Variants in CPNE4 observed in about 807,000 individuals in gnomAD.
CPNE4 encodes copine-4.
A neutral mutation model predicts 67.9 loss-of-function variants in CPNE4; 25 were observed. That is an observed-to-expected ratio of 0.37 (90% CI 0.27 to 0.51). The LOEUF (loss-of-function observed/expected upper bound fraction) is 0.51, where lower values mean the gene tolerates loss of function less well. Ranked by LOEUF, CPNE4 falls within the 20% of genes least tolerant of loss-of-function variation. CPNE4 has a pLI of 0.93. For missense variants in CPNE4, 464 were observed against 690.8 expected (o/e 0.67, Z 3.68); for synonymous variants, 242 against 244.9 (o/e 0.99, Z 0.11).
intron 1 of CPNE4, among the ~76,000 whole-genome samples, chr3:131,979,669 G>C (rs1174090450): frequency 1.3e-5 from 2 of 152,020 alleles, no homozygotes; most frequent in Non-Finnish European, 2.9e-5. Flanking sequence ...GAGCATTTAG[G>C]CCATTTACAT....
chr3:131,540,167 T>C (rs1935395501), intron 15 of CPNE4, among the ~76,000 whole-genome samples: 1 of 152,210 alleles, frequency 6.6e-6, no homozygotes, highest in South Asian at 2.1e-4. Context: ...TGACTGCTGT[T>C]GCTGTTACTT....
intron 7 of CPNE4, among the ~76,000 whole-genome samples, chr3:131,593,868 T>C (rs1051935488): frequency 6.6e-5 from 10 of 152,042 alleles, no homozygotes; most frequent in African/African-American, 2.4e-4. Context: ...CACACCACCA[T>C]GCCCAGCTAA....
chr3:131,952,933 T>G (rs1361475398), intron 1 of CPNE4, among the ~76,000 whole-genome samples: 1 of 152,156 alleles, frequency 6.6e-6, no homozygotes, highest in Non-Finnish European at 1.5e-5. Context: ...TGTTGATCTG[T>G]GACCTTACCC....
intron 1 of CPNE4, among the ~76,000 whole-genome samples, chr3:131,992,567 A>G (rs1215489061): frequency 7.4e-6 from 1 of 135,662 alleles, no homozygotes; most frequent in Non-Finnish European, 1.7e-5. Flanking sequence ...GAGACTTTGG[A>G]CTTGAACTTT....
rs575033459 is a variant in CPNE4 at position 131,906,424 on chromosome 3, T to G, written c.-1-980A>C. 7.2e-3 allele frequency among the ~76,000 whole-genome samples: 736 copies of G among 102,640 alleles called. 8 individuals are homozygous for G. Among genetic ancestry groups the G allele is most frequent in the African/African-American group, 0.025 (688 of 27,448 alleles). 67.3% of individuals were successfully genotyped at this position (102,640 alleles called of 152,430 possible). ...CCCCCCTCCCCCCACCCCACAACAG[T>G]CCCCAGAGTATGATGTTGCCCTTCC... On this transcript the variant is annotated intron_variant, in intron 1 of 15. Coordinates refer to ENST00000429747, the MANE Select transcript of CPNE4 (RefSeq NM_130808.3).
chr3:131,899,560 T>C (rs1354202045), intron 2 of CPNE4, among the ~76,000 whole-genome samples: 1 of 152,124 alleles, frequency 6.6e-6, no homozygotes, highest in Non-Finnish European at 1.5e-5. Flanking sequence ...AGATTCCAGC[T>C]TTACTGTTTA....
chr3:131,714,972 C>G (rs2081648337), intron 3 of CPNE4, among the ~76,000 whole-genome samples: 1 of 152,118 alleles, frequency 6.6e-6, no homozygotes, highest in African/African-American at 2.4e-5. Context: ...CTGGAGGAGA[C>G]ATACACTGAA....
Position 131,921,063 on chromosome 3 carries a change from C to A in CPNE4, c.-1-15619G>T, listed in dbSNP as rs149732129. 4.1e-4 allele frequency among the ~76,000 whole-genome samples: 63 copies of A among 152,322 alleles called. 2 individuals are homozygous for A. In the East Asian group the frequency reaches 0.01, roughly 25 times the overall value. On this transcript the variant is annotated intron_variant, in intron 1 of 15. Coordinates refer to ENST00000429747, the MANE Select transcript of CPNE4 (RefSeq NM_130808.3). ...TGATGGGCTGACAACATTGCTCCCA[C>A]ACAGTTGACACTTACTGGGTGGCAC...
chr3:131,896,290 G>A (rs573137601), intron 2 of CPNE4, among the ~76,000 whole-genome samples: 88 of 151,940 alleles, frequency 5.8e-4, no homozygotes, highest in South Asian at 1.7e-3. Flanking sequence ...GATAAAAAGG[G>A]CAGCATACAA....
At chr3:131,956,238 G>A (rs938556140) in intron 1 of CPNE4, among the ~76,000 whole-genome samples, 1 of 152,058 alleles carries the variant, frequency 6.6e-6, no homozygotes, top group African/African-American at 2.4e-5. Flanking sequence ...TAGAGTTGAT[G>A]CCTTTTTTTT....
intron 2 of CPNE4, among the ~76,000 whole-genome samples, chr3:131,902,517 A>C (rs1422856892): frequency 6.6e-6 from 1 of 152,104 alleles, no homozygotes; most frequent in African/African-American, 2.4e-5. Flanking sequence ...AGGAATTTCA[A>C]AGTGAAAAAA....
intron 2 of CPNE4, among the ~76,000 whole-genome samples, chr3:131,724,168 A>G (rs528212813): frequency 1.3e-5 from 2 of 152,218 alleles, no homozygotes; most frequent in African/African-American, 4.8e-5. Context: ...ATTTTAGCCA[A>G]CTCTAAGTTT....
intron 1 of CPNE4, among the ~76,000 whole-genome samples, chr3:131,933,798 A>G (rs1415228204): frequency 1.3e-5 from 2 of 152,102 alleles, no homozygotes; most frequent in Non-Finnish European, 2.9e-5. Flanking sequence ...ACCAAAAAAA[A>G]AAAAAACACA....
At chr3:131,749,113 G>A (rs143046279) in intron 2 of CPNE4, among the ~76,000 whole-genome samples, 219 of 152,156 alleles carry the variant, frequency 1.4e-3, no homozygotes, top group African/African-American at 5.2e-3. Context: ...TTAACTGCAT[G>A]CCACAGATTT....
At chr3:131,590,948 C>A (rs1166267808) in intron 7 of CPNE4, among the ~76,000 whole-genome samples, 1 of 152,156 alleles carries the variant, frequency 6.6e-6, no homozygotes, top group African/African-American at 2.4e-5. Flanking sequence ...AGTTCTACCT[C>A]ATTTTTCAAT....
intron 2 of CPNE4, among the ~76,000 whole-genome samples, chr3:131,814,102 C>A (rs1410902202): frequency 6.6e-6 from 1 of 152,130 alleles, no homozygotes; most frequent in Non-Finnish European, 1.5e-5. Context: ...ACATAGGCAC[C>A]TATATACATG....
chr3:131,986,429 C>A (rs1324866779), intron 1 of CPNE4, among the ~76,000 whole-genome samples: 3 of 152,200 alleles, frequency 2.0e-5, no homozygotes, highest in Non-Finnish European at 4.4e-5. Flanking sequence ...ATGAGAGCAA[C>A]AACCTAATGG....
chr3:131,757,357 C>G (rs986596732), intron 2 of CPNE4, among the ~76,000 whole-genome samples: 2 of 152,070 alleles, frequency 1.3e-5, no homozygotes, highest in Non-Finnish European at 2.9e-5. Flanking sequence ...CTGGAACAAA[C>G]GTGACTTTTG....
chr3:132,001,726 C>T (rs540909285), intron 1 of CPNE4, among the ~76,000 whole-genome samples: 2 of 152,194 alleles, frequency 1.3e-5, no homozygotes, highest in African/African-American at 4.8e-5. Context: ...TAAAAGATGG[C>T]CCTTCAGCCT....
Sources: allele counts gnomAD v4.1 joint callset (sites outside exome capture counted in the v4.1 genomes callset), GRCh38; gene constraint gnomAD v4.1.1; transcripts MANE v1.5; gene names NCBI Gene and HGNC (gene_info 2026-07-23, HGNC 2026-07-21).